The following RBFOX1 variants were observed in gnomAD, a reference collection of about 807,000 sequenced individuals.
The protein encoded by RBFOX1 is RNA binding fox-1 homolog 1.
In RBFOX1, 8 loss-of-function variants were observed where a neutral mutation model predicts 57.7. That is an observed-to-expected ratio of 0.14 (90% confidence interval 0.08 to 0.25). RBFOX1 has a LOEUF of 0.25. Among genes scored for constraint, RBFOX1 ranks in the 10% least tolerant of loss-of-function variants. The pLI is 1.00. For missense variants in RBFOX1, 611 were observed against 548.5 expected (o/e 1.11, Z -1.14); for synonymous variants, 326 against 222.4 (o/e 1.47, Z -4.15).
At chr16:7,369,346 G>T (rs1014112022) in intron 4 of RBFOX1, among the ~76,000 whole-genome samples, 1 of 152,010 alleles carries the variant, frequency 6.6e-6, no homozygotes, top group African/African-American at 2.4e-5. Flanking sequence ...CAAAGTGGAG[G>T]CCCTAGCAAG....
chr16:7,593,958 G>C (rs2094566125), intron 7 of RBFOX1, among the ~76,000 whole-genome samples: 1 of 152,092 alleles, frequency 6.6e-6, no homozygotes, highest in South Asian at 2.1e-4. Flanking sequence ...CCGTTAGCCA[G>C]CCCATTGCAC....
At chr16:7,096,040 G>GA (rs1367709847) in intron 4 of RBFOX1, among the ~76,000 whole-genome samples, 3 of 148,274 alleles carry the variant, frequency 2.0e-5, no homozygotes, top group Non-Finnish European at 4.5e-5. Flanking sequence ...GAAAAGAAAA[G>GA]AAAAAATAAA....
chr16:5,577,243 G>A (rs2046489130), intron 2 of RBFOX1, among the ~76,000 whole-genome samples: 1 of 152,198 alleles, frequency 6.6e-6, no homozygotes, highest in Admixed American at 6.5e-5. Flanking sequence ...CTAAGAACAA[G>A]CAGACTCCGG....
At chr16:5,708,382 T>C (rs997771180) in intron 3 of RBFOX1, among the ~76,000 whole-genome samples, 1 of 152,212 alleles carries the variant, frequency 6.6e-6, no homozygotes, top group African/African-American at 2.4e-5. Context: ...TAGATTCCTT[T>C]GATAGTTCAA....
At chr16:6,904,253 C>T (rs1409620811) in intron 3 of RBFOX1, among the ~76,000 whole-genome samples, 3 of 152,012 alleles carry the variant, frequency 2.0e-5, no homozygotes, top group East Asian at 1.9e-4. Context: ...TTTGCAGGGA[C>T]TTCTGTTGTT....
chr16:7,061,248 A>AT (rs1013166010), intron 4 of RBFOX1, among the ~76,000 whole-genome samples: 18 of 152,200 alleles, frequency 1.2e-4, no homozygotes, highest in Non-Finnish European at 2.6e-4. Flanking sequence ...TCATAAGTAC[A>AT]TTTAAAATGT....
intron 10 of RBFOX1, among the ~76,000 whole-genome samples, chr16:7,610,638 G>A (rs1201991166): frequency 6.6e-6 from 1 of 152,156 alleles, no homozygotes; most frequent in Non-Finnish European, 1.5e-5. Context: ...TTGTATGTAG[G>A]TAGACAGAGC....
At chr16:7,492,237 G>A (rs374728243) in intron 4 of RBFOX1, among the ~76,000 whole-genome samples, 1 of 152,194 alleles carries the variant, frequency 6.6e-6, no homozygotes, top group Non-Finnish European at 1.5e-5. Flanking sequence ...TAAGAATGTT[G>A]TAAAAATTCA....
intron 2 of RBFOX1, among the ~76,000 whole-genome samples, chr16:6,344,340 C>A (rs1332768235): frequency 1.3e-5 from 2 of 151,958 alleles, no homozygotes; most frequent in South Asian, 4.2e-4. Context: ...CATGAGCCAC[C>A]ATGCCCGGCC....
intron 14 of RBFOX1, among the ~76,000 whole-genome samples, chr16:7,707,622 C>G (rs1483191042): frequency 6.6e-6 from 1 of 152,162 alleles, no homozygotes; most frequent in East Asian, 1.9e-4. Flanking sequence ...CTGTTCCCTT[C>G]TCCAGAAAAT....
intron 3 of RBFOX1, among the ~76,000 whole-genome samples, chr16:6,928,168 A>G (rs558063599): frequency 6.6e-6 from 1 of 152,242 alleles, no homozygotes; most frequent in Admixed American, 6.5e-5. Flanking sequence ...TTGGCTGTGC[A>G]TTGGCATTGC....
chr16:6,706,224 G>C (rs1465307067), intron 3 of RBFOX1, among the ~76,000 whole-genome samples: 1 of 152,208 alleles, frequency 6.6e-6, no homozygotes, highest in Admixed American at 6.5e-5. Flanking sequence ...GTTCACAACA[G>C]CAGTGGCTTT....
At chr16:6,526,412 G>A (rs1356135120) in intron 2 of RBFOX1, among the ~76,000 whole-genome samples, 5 of 152,288 alleles carry the variant, frequency 3.3e-5, no homozygotes, top group African/African-American at 1.2e-4. Flanking sequence ...AAGAGATTCT[G>A]CAATTATAAG....
At chr16:5,511,926 T>C (rs952059769) in intron 2 of RBFOX1, among the ~76,000 whole-genome samples, 1 of 152,222 alleles carries the variant, frequency 6.6e-6, no homozygotes, top group Non-Finnish European at 1.5e-5. Context: ...TATGAGTCTA[T>C]TAATCCACAG....
At chr16:5,323,204 G>A (rs886250389) in intron 1 of RBFOX1, among the ~76,000 whole-genome samples, 1 of 152,194 alleles carries the variant, frequency 6.6e-6, no homozygotes, top group Non-Finnish European at 1.5e-5. Flanking sequence ...ATTTCTTGCC[G>A]ACTCAGTACC....
intron 2 of RBFOX1, among the ~76,000 whole-genome samples, chr16:5,522,232 AT>A (rs1390557943): frequency 5.3e-5 from 8 of 152,172 alleles, no homozygotes; most frequent in Non-Finnish European, 7.4e-5. Flanking sequence ...TTTTTATTGC[AT>A]GGCCATGGAC....
chr16:7,058,038 A>C (rs2053012261), intron 4 of RBFOX1, among the ~76,000 whole-genome samples: 1 of 150,322 alleles, frequency 6.7e-6, no homozygotes, highest in Non-Finnish European at 1.5e-5. Flanking sequence ...AAACCACCAG[A>C]TATAGATCTC....
At chr16:6,519,958 G>T (rs1598763263) in intron 2 of RBFOX1, among the ~76,000 whole-genome samples, 1 of 152,140 alleles carries the variant, frequency 6.6e-6, no homozygotes, top group East Asian at 1.9e-4. Context: ...GGTGCTTTGG[G>T]TCAGTAGGCA....
intron 4 of RBFOX1, among the ~76,000 whole-genome samples, chr16:7,202,341 G>A (rs73539641): frequency 0.015 from 2,263 of 151,042 alleles, 69 homozygotes; most frequent in African/African-American, 0.052. Context: ...GTGTTGATAA[G>A]GATGTGGAAA....
Sources: gnomAD v4.1 joint callset for allele counts (sites outside exome capture counted in the v4.1 genomes callset) on GRCh38, gnomAD v4.1.1 for gene constraint, MANE v1.5 for transcripts, NCBI Gene and HGNC (gene_info 2026-07-23, HGNC 2026-07-21) for gene names.